The following FUT9 variants were observed in gnomAD, a reference collection of about 807,000 sequenced individuals.
FUT9 encodes fucosyltransferase 9.
Under a neutral mutation model 29.7 loss-of-function variants are expected in FUT9, and 15 were observed. That is an observed-to-expected ratio of 0.51 (90% CI 0.34 to 0.78). FUT9 has a LOEUF of 0.78. Ranked by LOEUF, FUT9 falls within the 30% of genes least tolerant of loss-of-function variation. The pLI is 0.01. For synonymous variants in FUT9, 169 were observed against 153.7 expected, an observed-to-expected ratio of 1.10 and a Z score of -0.74; for missense variants, 319 against 425.4, an observed-to-expected ratio of 0.75 and a Z score of 2.20.
chr6:96,037,686 A>T (rs67725945), intron 1 of FUT9, among the ~76,000 whole-genome samples: 12 of 142,280 alleles, frequency 8.4e-5, no homozygotes, highest in East Asian at 6.0e-4. Context: ...TGAAAAAAAA[A>T]TTTTTTTGAA....
At chr6:96,066,362 A>G (rs9404182) in intron 1 of FUT9, among the ~76,000 whole-genome samples, 83,655 of 151,702 alleles carry the variant, frequency 0.55, 23,205 homozygotes, top group South Asian at 0.64. Context: ...AACTAAGGGG[A>G]ATGATAATCA....
At chr6:96,106,128 G>T (rs1207114013) in intron 1 of FUT9, among the ~76,000 whole-genome samples, 2 of 152,050 alleles carry the variant, frequency 1.3e-5, no homozygotes, top group Admixed American at 1.3e-4. Flanking sequence ...CTGGAGTTCT[G>T]GGAGCCTGAC....
At chr6:96,018,247 T>A (rs60053258) in intron 1 of FUT9, among the ~76,000 whole-genome samples, 10,460 of 152,144 alleles carry the variant, frequency 0.069, 1,194 homozygotes, top group African/African-American at 0.24. Context: ...TTAATCTGTA[T>A]CAGAATCGAT....
intron 2 of FUT9, among the ~76,000 whole-genome samples, chr6:96,202,132 C>T (rs569146752): frequency 1.8e-4 from 28 of 151,790 alleles, no homozygotes; most frequent in Middle Eastern, 3.2e-3. Context: ...TATCAATAAA[C>T]AGTTTTTGCA....
At position 96,049,847 on chromosome 6, in the gene FUT9, A is replaced by C. The variant is rs1770633147; in HGVS notation, c.-98+33635A>C. 2.6e-5 allele frequency among the ~76,000 whole-genome samples: 4 copies of C among 152,228 alleles called. No homozygotes were observed. In the South Asian group the frequency reaches 8.3e-4, roughly 31 times the overall value. On this transcript the variant is annotated intron_variant, in intron 1 of 2. Transcript: ENST00000302103. ...AATGAAAGGGTGAAGTTCGTGATAT[A>C]TGGGATTAGCTAACGTGGACTAAAT... is the stretch of plus-strand genomic sequence containing the variant.
At position 96,211,028 on chromosome 6, in the gene FUT9, T is replaced by C. The variant is rs1232593894; in HGVS notation, c.*6793T>C. 6.0e-6 allele frequency: 1 copy of C among 166,882 alleles called. No individual in the cohort carries two copies. The highest frequency in any genetic ancestry group is 1.5e-5 in the Non-Finnish European group (1 of 68,014). 10.3% of individuals were successfully genotyped at this position (166,882 alleles called of 1,614,324 possible). A position where few individuals can be genotyped will look rare whatever the true frequency, so the allele number is the denominator to read the frequency against. On this transcript the variant is annotated 3_prime_UTR_variant, in exon 3 of 3. Coordinates refer to ENST00000302103, the MANE Select transcript of FUT9 (RefSeq NM_006581.4). ...GAGGAATCCAGTGCTATTTTCACAATTTTAATTCTAAAACTCTGAAGACAT... is the reference window on the plus strand; with the variant it reads ...GAGGAATCCAGTGCTATTTTCACAACTTTAATTCTAAAACTCTGAAGACAT...
intron 1 of FUT9, among the ~76,000 whole-genome samples, chr6:96,019,999 T>C (rs896240849): frequency 1.3e-5 from 2 of 152,102 alleles, no homozygotes; most frequent in Non-Finnish European, 2.9e-5. Flanking sequence ...TAAAGAAATC[T>C]GAAAATAAAA....
intron 1 of FUT9, among the ~76,000 whole-genome samples, chr6:96,053,634 G>C (rs1047011948): frequency 2.0e-5 from 3 of 152,030 alleles, no homozygotes; most frequent in Non-Finnish European, 4.4e-5. Flanking sequence ...GTGTGAACCC[G>C]GGAGGCGTAG....
chr6:96,120,247 A>C, intron 2 of FUT9, among the ~76,000 whole-genome samples: 1 of 144,036 alleles, frequency 6.9e-6, no homozygotes, highest in Admixed American at 7.0e-5. Flanking sequence ...TTTTTATAAG[A>C]CCCACTTTTT....
At chr6:96,061,581 T>C (rs1376722834) in intron 1 of FUT9, among the ~76,000 whole-genome samples, 2 of 152,028 alleles carry the variant, frequency 1.3e-5, no homozygotes, top group Non-Finnish European at 2.9e-5. Context: ...CAAAGTCTCA[T>C]GGAATTTTTA....
chr6:96,064,523 A>G (rs973083090), intron 1 of FUT9, among the ~76,000 whole-genome samples: 7 of 152,102 alleles, frequency 4.6e-5, no homozygotes, highest in Non-Finnish European at 8.8e-5. Context: ...TCTCATTCCC[A>G]TGGGAGAACT....
At chr6:96,117,960 C>A (rs1042393493) in intron 2 of FUT9, among the ~76,000 whole-genome samples, 3 of 152,114 alleles carry the variant, frequency 2.0e-5, no homozygotes, top group African/African-American at 7.2e-5. Flanking sequence ...AATCCCATCA[C>A]ATTGGGAGGC....
chr6:96,022,991 A>G (rs1465376681), intron 1 of FUT9, among the ~76,000 whole-genome samples: 1 of 151,944 alleles, frequency 6.6e-6, no homozygotes, highest in East Asian at 1.9e-4. Context: ...AGAAACTGGT[A>G]GCTCACAGGT....
chr6:96,099,483 C>A (rs1266596738), intron 1 of FUT9, among the ~76,000 whole-genome samples: 1 of 152,092 alleles, frequency 6.6e-6, no homozygotes, highest in Non-Finnish European at 1.5e-5. Flanking sequence ...GAAACAGTAT[C>A]TCATTAACAC....
At chr6:96,051,516 G>C (rs1435678778) in intron 1 of FUT9, among the ~76,000 whole-genome samples, 1 of 151,960 alleles carries the variant, frequency 6.6e-6, no homozygotes, top group Non-Finnish European at 1.5e-5. Flanking sequence ...TGCTGGGCAT[G>C]GTGGTGTGTG....
At chr6:96,104,156 CT>C (rs148750317) in intron 1 of FUT9, among the ~76,000 whole-genome samples, 1,586 of 152,318 alleles carry the variant, frequency 0.01, 30 homozygotes, top group African/African-American at 0.036. Context: ...TTCCTAGTAA[CT>C]GCTTTCTATC....
chr6:96,056,177 T>G (rs1482380925), intron 1 of FUT9, among the ~76,000 whole-genome samples: 5 of 152,246 alleles, frequency 3.3e-5, no homozygotes, highest in African/African-American at 1.2e-4. Flanking sequence ...GTATCTAATT[T>G]AATGCTTTCT....
At chr6:96,081,165 G>C (rs1195887693) in intron 1 of FUT9, among the ~76,000 whole-genome samples, 1 of 151,624 alleles carries the variant, frequency 6.6e-6, no homozygotes, top group Admixed American at 6.6e-5. Flanking sequence ...AAAGTTTAAG[G>C]AATATTTTTC....
chr6:96,173,255 G>A (rs1324194767), intron 2 of FUT9, among the ~76,000 whole-genome samples: 1 of 151,252 alleles, frequency 6.6e-6, no homozygotes, highest in Admixed American at 6.6e-5. Flanking sequence ...TAGTCTCTCT[G>A]TAGAATTATG....
Sources: gnomAD v4.1 joint callset for allele counts (sites outside exome capture counted in the v4.1 genomes callset) on GRCh38, gnomAD v4.1.1 for gene constraint, MANE v1.5 for transcripts, NCBI Gene and HGNC (gene_info 2026-07-23, HGNC 2026-07-21) for gene names.